Variants in CR1L observed in about 807,000 individuals in gnomAD.
The protein encoded by CR1L is complement component receptor 1-like protein.
In CR1L, 59 loss-of-function variants were observed where a neutral mutation model predicts 62.3. The ratio of observed to expected loss-of-function variants is 0.95; its 90% CI spans 0.77 to 1.18. CR1L has a LOEUF of 1.18. Among genes scored for constraint, CR1L ranks in the 50% most tolerant of loss-of-function variants. The pLI, the probability that CR1L is intolerant of heterozygous loss-of-function variation, is 0.00. For synonymous variants in CR1L, 279 were observed against 248.7 expected (o/e 1.12, Z -1.15); for missense variants, 700 against 702.8 (o/e 1.00, Z 0.04).
intron 10 of CR1L, 51 bp from the exon 11 acceptor site, chr1:207,717,413 C>A: frequency 6.4e-7 from 1 of 1,574,338 alleles, no homozygotes; most frequent in South Asian, 1.1e-5. Context: ...ATATTTCAGT[C>A]ATCTTAAGTG....
chr1:207,686,173 T>TTCCTTCCC lies in CR1L; in HGVS notation c.463+2238_463+2245dup, dbSNP rs1481445041. 1.5e-3 allele frequency among the ~76,000 whole-genome samples: 42 copies of TTCCTTCCC among 28,402 alleles called. 1 individual carries two copies. The highest frequency in any genetic ancestry group is 0.019 in the Middle Eastern group (1 of 54). 18.6% of individuals were successfully genotyped at this position (28,402 alleles called of 152,430 possible). A position where few individuals can be genotyped will look rare whatever the true frequency, so the allele number is the denominator to read the frequency against. On this transcript the variant is annotated intron_variant, in intron 4 of 11. Transcript: ENST00000508064. Reference sequence around the variant, plus strand: ...CTTCCTTCCTTCCTTCCTTCCTTCCTTCCTTCCCTCCTTCCCTCCTTCCCT... The same window carrying TTCCTTCCC: ...CTTCCTTCCTTCCTTCCTTCCTTCCTTCCTTCCCTCCTTCCCTCCTTCCCTCCTTCCCT...
intron 4 of CR1L, among the ~76,000 whole-genome samples, chr1:207,686,471 G>T (rs1191091621): frequency 3.3e-5 from 5 of 151,814 alleles, no homozygotes; most frequent in African/African-American, 1.2e-4. Flanking sequence ...TATATGTATC[G>T]ATGTAATCAT....
chr1:207,710,416 T>C, intron 10 of CR1L: 10 of 1,558,518 alleles, frequency 6.4e-6, no homozygotes, highest in Non-Finnish European at 8.8e-6. Context: ...ACATCACCAA[T>C]GGATATTTCA....
At chr1:207,702,185 A>G (rs1664204605) in intron 9 of CR1L, among the ~76,000 whole-genome samples, 1 of 152,134 alleles carries the variant, frequency 6.6e-6, no homozygotes, top group Non-Finnish European at 1.5e-5. Flanking sequence ...AGAGGTTTTC[A>G]TTATTATCAT....
intron 1 of CR1L, chr1:207,669,063 C>G: frequency 4.4e-6 from 1 of 227,478 alleles, no homozygotes; most frequent in Non-Finnish European, 8.7e-6. Flanking sequence ...TTCCCACACA[C>G]ATTCTTGCAA....
rs888821339 is a variant in CR1L at position 207,683,788 on chromosome 1, G to C, written c.378-84G>C. 3.1e-6 allele frequency: 4 copies of C among 1,299,746 alleles called. No homozygotes were observed. The African/African-American group carries it at 5.8e-5, about 19-fold the overall frequency. 80.5% of individuals were successfully genotyped at this position (1,299,746 alleles called of 1,614,324 possible). A position where few individuals can be genotyped will look rare whatever the true frequency, so the allele number is the denominator to read the frequency against. Reference sequence around the variant, plus strand: ...GAAAATGTCCCTCTGAATTCTATAAGAGTGTAATCTCTGGAAGTAGTAATT... The same window carrying C: ...GAAAATGTCCCTCTGAATTCTATAACAGTGTAATCTCTGGAAGTAGTAATT... On this transcript the variant is annotated intron_variant, in intron 3 of 11. Transcript: ENST00000508064.
chr1:207,708,487 G>T (rs1452734498), intron 10 of CR1L, among the ~76,000 whole-genome samples: 2 of 152,042 alleles, frequency 1.3e-5, no homozygotes, highest in Non-Finnish European at 2.9e-5. Flanking sequence ...AACTAGTCTT[G>T]AGCTAATTTA....
intron 4 of CR1L, among the ~76,000 whole-genome samples, chr1:207,687,478 A>G (rs1274199882): frequency 6.6e-6 from 1 of 152,222 alleles, no homozygotes; most frequent in Non-Finnish European, 1.5e-5. Flanking sequence ...ATAGAACATT[A>G]TCAGCACCCC....
At position 207,645,322 on chromosome 1, in the gene CR1L, CCTT is replaced by C. The variant is rs1226570685; in HGVS notation, c.92_94del (p.Phe31del). The C allele has an allele frequency of 5.6e-6, 9 of 1,614,052 alleles. No homozygotes were observed. The highest frequency in any genetic ancestry group is 7.6e-6 in the Non-Finnish European group (9 of 1,179,972). ...GCGGCCCTGGTGTTGCTGCTGTCCT[CCTT>C]CTCCGGTAGGACCCCGGGGTGGATT... On this transcript the variant is annotated inframe_deletion, in exon 1 of 12. Transcript: ENST00000508064.
intron 1 of CR1L, among the ~76,000 whole-genome samples, chr1:207,662,698 G>A (rs987981330): frequency 3.3e-5 from 5 of 152,158 alleles, no homozygotes; most frequent in Non-Finnish European, 5.9e-5. Context: ...GAGGAGCTGC[G>A]TTCCTTTGGA....
intron 11 of CR1L, among the ~76,000 whole-genome samples, chr1:207,719,120 A>T (rs796351017): frequency 3.6e-3 from 251 of 68,838 alleles, no homozygotes; most frequent in African/African-American, 0.014. Flanking sequence ...GGGTCGGGGG[A>T]GGGGGGAGGG....
rs546984820 is a variant in CR1L at position 207,663,101 on chromosome 1, C to T, written c.98-14288C>T. Among the ~76,000 whole-genome samples the T allele has an allele frequency of 2.0e-5, 3 of 152,324 alleles. No homozygotes were observed. The South Asian group carries it at 6.2e-4, about 32-fold the overall frequency. On this transcript the variant is annotated intron_variant, in intron 1 of 11. Transcript: ENST00000508064. ...AGGCTATTTGGGGGTCAGGGACCCA[C>T]TTGAGGAGGTAGTCTGCCCGTTCTC...
chr1:207,645,426 G>A, intron 1 of CR1L, 96 bp downstream of exon 1: 1 of 1,366,208 alleles, frequency 7.3e-7, no homozygotes, highest in Non-Finnish European at 1.0e-6. Flanking sequence ...ACTGCACGTC[G>A]TGCCTGCTTG....
At position 207,678,264 on chromosome 1, in the gene CR1L, T is replaced by G. The variant is rs1463284568; in HGVS notation, c.344T>G (p.Phe115Cys). ...GCACATGTGATCAAAGACATCCAGTTCAGATCCCAAATTAAATATTCTTGT... is the reference window on the plus strand; with the variant it reads ...GCACATGTGATCAAAGACATCCAGTGCAGATCCCAAATTAAATATTCTTGT... The part of the protein sequence containing the change: ...GMAHVIKDIQ[F>C]RSQIKYSCPK... Residue 115 changes from phenylalanine (F) to cysteine (C), a missense_variant, in exon 3 of 12, where the codon TTC (phenylalanine) becomes TGC (cysteine). Coordinates refer to ENST00000508064, the MANE Select transcript of CR1L (RefSeq NM_175710.2). The G allele has an allele frequency of 6.2e-7, 1 of 1,613,532 alleles. No individual in the cohort carries two copies. Among genetic ancestry groups the G allele is most frequent in the African/African-American group, 1.3e-5 (1 of 74,916 alleles).
chr1:207,692,985 T>C (rs1297998341), intron 4 of CR1L, among the ~76,000 whole-genome samples: 4 of 152,242 alleles, frequency 2.6e-5, no homozygotes, highest in Non-Finnish European at 5.9e-5. Flanking sequence ...TTTTGTATTG[T>C]AGATCTTCTG....
At chr1:207,723,535 A>G in intron 11 of CR1L, 83 bp from the exon 12 acceptor site, 2 of 1,178,330 alleles carry the variant, frequency 1.7e-6, no homozygotes, top group East Asian at 2.5e-5. Context: ...AAAAATCAGG[A>G]TAAATTGTCA....
chr1:207,668,480 G>C (rs1240203130), intron 1 of CR1L, among the ~76,000 whole-genome samples: 2 of 151,064 alleles, frequency 1.3e-5, no homozygotes, highest in Non-Finnish European at 2.9e-5. Context: ...TCTCATAGAA[G>C]TAGAGAGTAG....
chr1:207,660,357 G>A (rs1423309285), intron 1 of CR1L, among the ~76,000 whole-genome samples: 1 of 151,976 alleles, frequency 6.6e-6, no homozygotes, highest in Non-Finnish European at 1.5e-5. Context: ...TGACTGTTCT[G>A]CAGCCTCCGC....
intron 4 of CR1L, among the ~76,000 whole-genome samples, chr1:207,688,935 G>A (rs1384905301): frequency 6.6e-6 from 1 of 152,022 alleles, no homozygotes; most frequent in Non-Finnish European, 1.5e-5. Flanking sequence ...ATCTTTTGAA[G>A]TTGCTGCATA....
Sources: gnomAD v4.1 joint callset for allele counts (sites outside exome capture counted in the v4.1 genomes callset) on GRCh38, gnomAD v4.1.1 for gene constraint, MANE v1.5 for transcripts, NCBI Gene and HGNC (gene_info 2026-07-23, HGNC 2026-07-21) for gene names.